The following DGLUCY variants were observed in gnomAD, a reference collection of about 807,000 sequenced individuals.
DGLUCY encodes the protein D-glutamate cyclase, mitochondrial.
In DGLUCY, 58 loss-of-function variants were observed where a neutral mutation model predicts 58.5. That is an observed-to-expected ratio of 0.99 (90% CI 0.80 to 1.23). The LOEUF (loss-of-function observed/expected upper bound fraction) is 1.23. DGLUCY is among the 50% of genes most tolerant of loss of function. The pLI is 0.00. For missense variants in DGLUCY, 779 were observed against 784.7 expected (o/e 0.99, Z 0.09); for synonymous variants, 325 against 314.1 (o/e 1.03, Z -0.37).
chr14:91,119,135 A>G (rs1005633292), intron 1 of DGLUCY, among the ~76,000 whole-genome samples: 1 of 152,138 alleles, frequency 6.6e-6, no homozygotes, highest in South Asian at 2.1e-4. Flanking sequence ...AATAGCTAAG[A>G]GGTAAATGGT....
chr14:91,092,419 G>C (rs1030369356), intron 1 of DGLUCY, among the ~76,000 whole-genome samples: 2 of 152,174 alleles, frequency 1.3e-5, no homozygotes, highest in African/African-American at 4.8e-5. Flanking sequence ...GTATGCTAGT[G>C]GGTTCTAATC....
chr14:91,126,501 G>T, intron 1 of DGLUCY: 1 of 228,898 alleles, frequency 4.4e-6, no homozygotes, highest in Admixed American at 4.0e-5. Flanking sequence ...TGGGGTCATT[G>T]TGACAAGGGA....
upstream of DGLUCY, among the ~76,000 whole-genome samples, chr14:91,106,317 C>A (rs567919423): frequency 7.3e-5 from 11 of 151,284 alleles, no homozygotes; most frequent in Non-Finnish European, 1.0e-4. Context: ...CCTACCCCCC[C>A]CCAAAAAACT....
intron 1 of DGLUCY, among the ~76,000 whole-genome samples, chr14:91,118,383 C>G (rs374022023): frequency 1.4e-4 from 21 of 152,058 alleles, no homozygotes; most frequent in African/African-American, 4.3e-4. Context: ...GTGAATCTCT[C>G]TTATCAGGCC....
At chr14:91,210,341 G>T (rs1885472154) in intron 12 of DGLUCY, among the ~76,000 whole-genome samples, 1 of 151,926 alleles carries the variant, frequency 6.6e-6, no homozygotes, top group African/African-American at 2.4e-5. Context: ...GATCAGCCTG[G>T]GCAACATAAC....
chr14:91,212,350 A>T (rs912562081), intron 12 of DGLUCY, among the ~76,000 whole-genome samples: 1 of 151,830 alleles, frequency 6.6e-6, no homozygotes, highest in Non-Finnish European at 1.5e-5. Context: ...CTACAAAAAA[A>T]TTTTAAAATA....
chr14:91,138,142 G>T (rs2046445984), intron 1 of DGLUCY, among the ~76,000 whole-genome samples: 1 of 152,152 alleles, frequency 6.6e-6, no homozygotes, highest in Admixed American at 6.6e-5. Context: ...GGGCACTAAG[G>T]TAGTGTCCCC....
rs1888010021 is a variant in DGLUCY at position 91,224,971 on chromosome 14, A to G, written c.*138A>G. ...AACGAACACTCGCCTGGCCTGGGAAACTGCATGCCCACTTTCTGGGAGGGG... is the reference window on the plus strand; with the variant it reads ...AACGAACACTCGCCTGGCCTGGGAAGCTGCATGCCCACTTTCTGGGAGGGG... On this transcript the variant is annotated 3_prime_UTR_variant, in exon 14 of 14. Coordinates refer to ENST00000256324, the MANE Select transcript of DGLUCY (RefSeq NM_001102368.3). 1.0e-6 allele frequency: 1 copy of G among 987,920 alleles called. No individual in the cohort carries two copies. Among genetic ancestry groups the G allele is most frequent in the African/African-American group, 1.7e-5 (1 of 60,176 alleles). The allele number at this position is 987,920 out of a possible 1,614,324, so 61.2% of individuals were successfully genotyped here. A position where few individuals can be genotyped will look rare whatever the true frequency, so the allele number is the denominator to read the frequency against.
chr14:91,087,673 G>A (rs552983817), intron 1 of DGLUCY, among the ~76,000 whole-genome samples: 4 of 152,108 alleles, frequency 2.6e-5, no homozygotes, highest in Non-Finnish European at 5.9e-5. Context: ...AAAATTCTAC[G>A]TTGTTAGCCA....
chr14:91,109,411 TG>T (rs1363234293), upstream of DGLUCY, among the ~76,000 whole-genome samples: 1 of 151,876 alleles, frequency 6.6e-6, no homozygotes, highest in Non-Finnish European at 1.5e-5. Flanking sequence ...TCAAGGAGAG[TG>T]GCTGGCTGGG....
At chr14:91,089,286 A>G (rs1365564489) in intron 1 of DGLUCY, among the ~76,000 whole-genome samples, 1 of 152,194 alleles carries the variant, frequency 6.6e-6, no homozygotes, top group African/African-American at 2.4e-5. Flanking sequence ...CAGCTCTGTC[A>G]GGAAGAAAAG....
intron 8 of DGLUCY, among the ~76,000 whole-genome samples, chr14:91,187,809 T>A (rs2049614402): frequency 6.6e-6 from 1 of 152,184 alleles, no homozygotes; most frequent in Non-Finnish European, 1.5e-5. Flanking sequence ...TGAGCCCCAG[T>A]TGCCTTTGAA....
intron 1 of DGLUCY, among the ~76,000 whole-genome samples, chr14:91,082,902 C>T (rs181081639): frequency 3.3e-5 from 5 of 152,164 alleles, no homozygotes; most frequent in South Asian, 4.1e-4. Flanking sequence ...TACAGTCATG[C>T]GCAACTATGC....
At chr14:91,108,524 TGTGAGAGAGA>T (rs1475263801) in intron 1 of DGLUCY, among the ~76,000 whole-genome samples, 4 of 40,586 alleles carry the variant, frequency 9.9e-5, no homozygotes, top group African/African-American at 2.6e-4. Context: ...TGTGTGTGTG[TGTGAGAGAGA>T]GAGAGAGAGA....
intron 4 of DGLUCY, 61 bp from the exon 5 acceptor site, chr14:91,169,942 G>A: frequency 6.6e-7 from 1 of 1,524,032 alleles, no homozygotes; most frequent in South Asian, 1.1e-5. Flanking sequence ...CTTCTATAAT[G>A]TATTATCAGG....
At chr14:91,196,610 T>G in intron 10 of DGLUCY, 136 bp downstream of exon 10, 1 of 681,898 alleles carries the variant, frequency 1.5e-6, no homozygotes, top group Non-Finnish European at 2.5e-6. Flanking sequence ...TGGGTTCTCA[T>G]GGACCAGACT....
chr14:91,095,800 G>C (rs951025050), intron 1 of DGLUCY, among the ~76,000 whole-genome samples: 1 of 145,924 alleles, frequency 6.9e-6, no homozygotes, highest in African/African-American at 2.5e-5. Flanking sequence ...CCAGCTTTCC[G>C]TCTGGGCCCA....
chr14:91,195,282 C>T (rs560098063), intron 9 of DGLUCY, among the ~76,000 whole-genome samples: 1 of 152,304 alleles, frequency 6.6e-6, no homozygotes, highest in Admixed American at 6.5e-5. Context: ...TCCCAACCTG[C>T]TGTGAGATAG....
chr14:91,112,632 T>A (rs1266515170), upstream of DGLUCY, among the ~76,000 whole-genome samples: 10 of 150,654 alleles, frequency 6.6e-5, no homozygotes, highest in Admixed American at 6.6e-4. Context: ...CATTATTGAA[T>A]ACTTCCAAAA....
Sources: allele counts gnomAD v4.1 joint callset (sites outside exome capture counted in the v4.1 genomes callset), GRCh38; gene constraint gnomAD v4.1.1; transcripts MANE v1.5; gene names NCBI Gene and HGNC (gene_info 2026-07-23, HGNC 2026-07-21).